Variants in PRKG1 observed in about 807,000 individuals in gnomAD.
The protein encoded by PRKG1 is protein kinase cGMP-dependent 1.
Under a neutral mutation model 88.1 loss-of-function variants are expected in PRKG1, and 35 were observed. The observed-to-expected ratio is 0.40, with a 90% CI of 0.30 to 0.53. PRKG1 has a LOEUF of 0.53. Ranked by LOEUF, PRKG1 falls within the 20% of genes least tolerant of loss-of-function variation. PRKG1 has a pLI of 0.59. For synonymous variants in PRKG1, 303 were observed against 292.5 expected, an observed-to-expected ratio of 1.04 and a Z score of -0.37; for missense variants, 540 against 839.8, an observed-to-expected ratio of 0.64 and a Z score of 4.41.
intron 9 of PRKG1, among the ~76,000 whole-genome samples, chr10:52,173,414 C>T (rs537622735): frequency 8.5e-5 from 13 of 152,200 alleles, no homozygotes; most frequent in Non-Finnish European, 1.5e-4. Flanking sequence ...AGACTACCTT[C>T]GAAACTAGAA....
At chr10:51,128,734 T>A (rs1394058300) in intron 1 of PRKG1, among the ~76,000 whole-genome samples, 6 of 152,192 alleles carry the variant, frequency 3.9e-5, no homozygotes, top group African/African-American at 1.4e-4. Flanking sequence ...TTTGGAGTAA[T>A]TAAAATTAAA....
intron 2 of PRKG1, among the ~76,000 whole-genome samples, chr10:51,165,343 A>T (rs1371245616): frequency 1.3e-5 from 2 of 151,724 alleles, no homozygotes; most frequent in Non-Finnish European, 3.0e-5. Flanking sequence ...CAGACAAGCA[A>T]ATGCTGAGAG....
intron 5 of PRKG1, among the ~76,000 whole-genome samples, chr10:51,985,232 C>G (rs1844123155): frequency 2.0e-5 from 3 of 151,982 alleles, no homozygotes; most frequent in African/African-American, 7.3e-5. Context: ...TAGGTTAGCC[C>G]AGGAGCAAAA....
intron 2 of PRKG1, among the ~76,000 whole-genome samples, chr10:51,355,812 T>A (rs1462433523): frequency 2.0e-5 from 3 of 152,050 alleles, no homozygotes; most frequent in Non-Finnish European, 4.4e-5. Context: ...ATGAATGTTG[T>A]CTTTGCAAAT....
At chr10:51,939,322 G>C (rs1842857234) in intron 5 of PRKG1, among the ~76,000 whole-genome samples, 1 of 151,984 alleles carries the variant, frequency 6.6e-6, no homozygotes, top group East Asian at 1.9e-4. Context: ...GCCAAATTGA[G>C]AATCCTTCTG....
chr10:51,376,089 C>A (rs560366210), intron 2 of PRKG1, among the ~76,000 whole-genome samples: 1 of 152,274 alleles, frequency 6.6e-6, no homozygotes, highest in Non-Finnish European at 1.5e-5. Context: ...AATCTAGAAT[C>A]TTGGATTAAG....
intron 3 of PRKG1, among the ~76,000 whole-genome samples, chr10:51,647,295 C>T (rs1325131451): frequency 6.6e-6 from 1 of 152,136 alleles, no homozygotes; most frequent in Admixed American, 6.6e-5. Flanking sequence ...AAAAGTCACA[C>T]TTAACTTTTC....
At position 52,133,888 on chromosome 10, in the gene PRKG1, C is replaced by A; in HGVS notation, c.984C>A (p.Cys328Ter). 1.2e-6 allele frequency: 2 copies of A among 1,612,868 alleles called. No individual in the cohort carries two copies. The highest frequency in any genetic ancestry group is 1.7e-6 in the Non-Finnish European group (2 of 1,179,154). Reference protein sequence around the residue: ...ANVIAAEAVTCLVIDRDSFKH... With the variant: ...ANVIAAEAVT The stretch of plus-strand genomic sequence containing the variant: ...TAATTGCTGCAGAAGCTGTAACCTG[C>A]CTTGTGATTGACAGAGAGTAAGTAC... The change falls in exon 8 of 18, where the codon TGC (cysteine) becomes TGA (stop). Residue 328 changes from cysteine to a stop codon, truncating the protein, a stop_gained. Coordinates refer to ENST00000373980, the MANE Select transcript of PRKG1 (RefSeq NM_006258.4). LOFTEE classifies it high-confidence loss of function.
chr10:51,665,644 T>C (rs1011079125), intron 3 of PRKG1, among the ~76,000 whole-genome samples: 7 of 152,156 alleles, frequency 4.6e-5, no homozygotes, highest in Admixed American at 2.0e-4. Flanking sequence ...AATTTTGTGG[T>C]TTTTGAAATG....
At chr10:51,031,529 G>A (rs942439567) in intron 1 of PRKG1, among the ~76,000 whole-genome samples, 1 of 152,140 alleles carries the variant, frequency 6.6e-6, no homozygotes, top group Non-Finnish European at 1.5e-5. Flanking sequence ...GGAGGTGAAT[G>A]GGAAAGAATG....
chr10:52,125,679 G>A (rs1261491035), intron 7 of PRKG1: 1 of 152,128 alleles, frequency 6.6e-6, no homozygotes, highest in Non-Finnish European at 1.5e-5. Flanking sequence ...TTTGCAGTTT[G>A]AATGCAACAG....
rs1842405855 is a variant in PRKG1 at position 52,297,449 on chromosome 10, G to C, written c.*3549G>C. On this transcript the variant is annotated 3_prime_UTR_variant, in exon 18 of 18. Coordinates refer to ENST00000373980, the MANE Select transcript of PRKG1 (RefSeq NM_006258.4). ...CACCTCAAAATGTTGTCCTTTCTTA[G>C]CTTGCTGCGTTTTACAGTTCTTTCT... The C allele has an allele frequency of 6.6e-6, 1 of 152,026 alleles. No individual in the cohort carries two copies. The highest frequency in any genetic ancestry group is 6.6e-5 in the Admixed American group (1 of 15,232). 9.4% of individuals were successfully genotyped at this position (152,026 alleles called of 1,614,324 possible).
chr10:51,256,443 A>T (rs1839562182), intron 2 of PRKG1, among the ~76,000 whole-genome samples: 1 of 152,112 alleles, frequency 6.6e-6, no homozygotes, highest in Non-Finnish European at 1.5e-5. Flanking sequence ...GTCTGGTCCC[A>T]TGTACTGAGA....
intron 2 of PRKG1, among the ~76,000 whole-genome samples, chr10:51,255,952 G>A (rs1325225202): frequency 6.6e-6 from 1 of 152,126 alleles, no homozygotes; most frequent in African/African-American, 2.4e-5. Context: ...TAAGGGCCCA[G>A]AGAAGACTTC....
At chr10:52,131,816 CAAAAAAAAAAA>C (rs71459439) in intron 7 of PRKG1, among the ~76,000 whole-genome samples, 42 of 44,084 alleles carry the variant, frequency 9.5e-4, no homozygotes, top group African/African-American at 1.9e-3. Flanking sequence ...GAAACTCCAT[CAAAAAAAAAAA>C]AAAAAAAAAA....
chr10:51,759,067 G>A (rs1361876018), intron 3 of PRKG1, among the ~76,000 whole-genome samples: 2 of 152,074 alleles, frequency 1.3e-5, no homozygotes, highest in Non-Finnish European at 2.9e-5. Flanking sequence ...TGGTTTATAT[G>A]TGCAACATTT....
chr10:51,851,507 G>A (rs1052134685), intron 4 of PRKG1, among the ~76,000 whole-genome samples: 1 of 152,128 alleles, frequency 6.6e-6, no homozygotes, highest in Non-Finnish European at 1.5e-5. Flanking sequence ...GGGGAAGTAG[G>A]GCAATAAGGC....
intron 2 of PRKG1, among the ~76,000 whole-genome samples, chr10:51,327,792 A>G (rs1338355063): frequency 6.6e-6 from 1 of 152,238 alleles, no homozygotes; most frequent in Non-Finnish European, 1.5e-5. Context: ...CAGTAGAAAC[A>G]CAGTATTACA....
At position 51,553,702 on chromosome 10, in the gene PRKG1, C is replaced by T. The variant is rs528291310; in HGVS notation, c.592+85866C>T. Among the ~76,000 whole-genome samples the T allele has an allele frequency of 2.9e-5, 4 of 137,786 alleles. No individual in the cohort carries two copies. In the South Asian group the frequency reaches 9.1e-4, roughly 31 times the overall value. The allele number at this position is 137,786 out of a possible 152,430, so 90.4% of individuals were successfully genotyped here. ...ACTCCTTGGTTGTGATTATTATATA[C>T]GTGTATATAATATATGTATATATTA... is the stretch of plus-strand genomic sequence containing the variant. On this transcript the variant is annotated intron_variant, in intron 3 of 17. Transcript: ENST00000373980.
Sources: gnomAD v4.1 joint callset for allele counts (sites outside exome capture counted in the v4.1 genomes callset) on GRCh38, gnomAD v4.1.1 for gene constraint, MANE v1.5 for transcripts, NCBI Gene and HGNC (gene_info 2026-07-23, HGNC 2026-07-21) for gene names.